Variants in SEC23IP observed in about 807,000 individuals in gnomAD.
SEC23IP encodes the protein SEC23-interacting protein.
Under a neutral mutation model 113.4 loss-of-function variants are expected in SEC23IP, and 70 were observed. That is an observed-to-expected ratio of 0.62 (90% CI 0.51 to 0.75). The LOEUF (loss-of-function observed/expected upper bound fraction) is 0.75. Ranked by LOEUF, SEC23IP falls within the 30% of genes least tolerant of loss-of-function variation. SEC23IP has a pLI of 0.00. For synonymous variants in SEC23IP, 398 were observed against 421.0 expected (o/e 0.95, Z 0.67); for missense variants, 1,160 against 1,204.9 (o/e 0.96, Z 0.55).
At chr10:119,906,963 G>C (rs1182263941) in intron 4 of SEC23IP, among the ~76,000 whole-genome samples, 3 of 151,278 alleles carry the variant, frequency 2.0e-5, no homozygotes, top group Non-Finnish European at 4.4e-5. Context: ...AATTATATTT[G>C]AAGTTTTTTT....
At chr10:119,924,256 GGCACTGTCGATA>G (rs1203715657) in intron 12 of SEC23IP, among the ~76,000 whole-genome samples, 1 of 152,130 alleles carries the variant, frequency 6.6e-6, no homozygotes, top group Non-Finnish European at 1.5e-5. Context: ...TGGTTGTTTA[GGCACTGTCGATA>G]GCTGTTTAAA....
intron 15 of SEC23IP, among the ~76,000 whole-genome samples, chr10:119,931,840 C>T (rs1045730170): frequency 6.6e-6 from 1 of 150,410 alleles, no homozygotes; most frequent in Non-Finnish European, 1.5e-5. Flanking sequence ...GTGTGAGACA[C>T]CGCGCCTGAA....
rs1288750980 is a variant in SEC23IP, at chr10:119,942,221, A to G, written c.*1656A>G. The G allele has an allele frequency of 6.6e-6, 1 of 152,188 alleles. No homozygotes were observed. Among genetic ancestry groups the G allele is most frequent in the Non-Finnish European group, 1.5e-5 (1 of 68,038 alleles). 9.4% of individuals were successfully genotyped at this position (152,188 alleles called of 1,614,324 possible). On this transcript the variant is annotated 3_prime_UTR_variant, in exon 19 of 19. Transcript: ENST00000369075. ...GAGAAGGACCAGGGTTCGTAGAAGA[A>G]GCATGTGGCAGCTGAGTGGCAGCAG...
intron 1 of SEC23IP, among the ~76,000 whole-genome samples, chr10:119,893,274 C>T (rs992220094): frequency 4.6e-5 from 7 of 152,076 alleles, no homozygotes; most frequent in African/African-American, 7.2e-5. Context: ...AAACAGTGGC[C>T]CTCTCCTAGG....
chr10:119,911,749 A>T (rs1854870153), intron 5 of SEC23IP, among the ~76,000 whole-genome samples: 1 of 152,166 alleles, frequency 6.6e-6, no homozygotes, highest in South Asian at 2.1e-4. Context: ...TGCTGGGATT[A>T]CAGGTGTGAG....
intron 18 of SEC23IP, among the ~76,000 whole-genome samples, chr10:119,940,142 G>A (rs1294774640): frequency 6.6e-6 from 1 of 151,918 alleles, no homozygotes; most frequent in Non-Finnish European, 1.5e-5. Context: ...GCTCTTTGGA[G>A]GCGGTTTGCA....
intron 7 of SEC23IP, among the ~76,000 whole-genome samples, 153 bp from the exon 8 acceptor site, chr10:119,915,594 TA>T (rs1855023596): frequency 6.6e-6 from 1 of 152,208 alleles, no homozygotes; most frequent in Admixed American, 6.5e-5. Context: ...CCTTTCTTTT[TA>T]AAAAATTTTA....
chr10:119,908,941 T>C (rs879293009), intron 4 of SEC23IP, 100 bp from the exon 5 acceptor site: 1 of 743,508 alleles, frequency 1.3e-6, no homozygotes, highest in Non-Finnish European at 2.3e-6. Context: ...GCTATTACTG[T>C]TATTTTTATC....
intron 1 of SEC23IP, among the ~76,000 whole-genome samples, chr10:119,896,604 G>A (rs1023478376): frequency 6.6e-6 from 1 of 152,204 alleles, no homozygotes; most frequent in Non-Finnish European, 1.5e-5. Context: ...ACAAGTGCCT[G>A]TTAAAGTTGT....
chr10:119,901,002 A>C (rs1854473513), intron 2 of SEC23IP, among the ~76,000 whole-genome samples: 1 of 139,706 alleles, frequency 7.2e-6, no homozygotes, highest in Non-Finnish European at 1.6e-5. Flanking sequence ...AAAACATTAA[A>C]ATTTTTTTCT....
intron 8 of SEC23IP, among the ~76,000 whole-genome samples, chr10:119,917,394 T>C (rs1246154588): frequency 6.6e-6 from 1 of 151,836 alleles, no homozygotes; most frequent in Non-Finnish European, 1.5e-5. Flanking sequence ...TTTTTTTTTT[T>C]TTGAGGTGGA....
At chr10:119,924,053 G>C (rs1409679708) in intron 12 of SEC23IP, among the ~76,000 whole-genome samples, 3 of 152,184 alleles carry the variant, frequency 2.0e-5, no homozygotes, top group Admixed American at 6.5e-5. Context: ...CCTTATTTCG[G>C]ATTTTAGGCT....
chr10:119,904,901 G>A (rs904049587), intron 4 of SEC23IP, among the ~76,000 whole-genome samples: 3 of 152,164 alleles, frequency 2.0e-5, no homozygotes, highest in Non-Finnish European at 4.4e-5. Flanking sequence ...GGGAGGCCTA[G>A]GTGAGCAGAT....
intron 6 of SEC23IP, among the ~76,000 whole-genome samples, chr10:119,913,173 G>T (rs1854924952): frequency 6.6e-6 from 1 of 152,134 alleles, no homozygotes; most frequent in African/African-American, 2.4e-5. Flanking sequence ...AGGACATACA[G>T]ATATCTTTAT....
chr10:119,917,932 C>T lies in SEC23IP; in HGVS notation c.1641C>T (p.Tyr547=). ...TTTTATTTTATAACAGCCCCACCTACTGTCAGACAATTGTGGAAAAAGTAG... is the reference window on the plus strand; with the variant it reads ...TTTTATTTTATAACAGCCCCACCTATTGTCAGACAATTGTGGAAAAAGTAG... ...LDILFYNSPT[Y]CQTIVEKVGM... The change falls in exon 9 of 19, where the codon TAC becomes TAT. Residue 547 remains tyrosine (Y), a synonymous_variant. Coordinates refer to ENST00000369075, the MANE Select transcript of SEC23IP (RefSeq NM_007190.4). 1 of 1,614,020 alleles carries T rather than the reference C, an allele frequency of 6.2e-7. No homozygotes were observed. Among genetic ancestry groups the T allele is most frequent in the African/African-American group, 1.3e-5 (1 of 75,038 alleles).
At chr10:119,908,642 AG>A (rs879798017) in intron 4 of SEC23IP, among the ~76,000 whole-genome samples, 1 of 152,234 alleles carries the variant, frequency 6.6e-6, no homozygotes, top group Non-Finnish European at 1.5e-5. Flanking sequence ...AGCTAGGAAG[AG>A]GGAAGGAGGA....
chr10:119,926,358 T>G (rs1855421583), intron 13 of SEC23IP, 131 bp downstream of exon 13: 2 of 958,860 alleles, frequency 2.1e-6, no homozygotes, highest in Non-Finnish European at 3.0e-6. Context: ...TGATTTTCTC[T>G]TAGTGAAAAT....
At chr10:119,924,261 T>C (rs1254756558) in intron 12 of SEC23IP, among the ~76,000 whole-genome samples, 2 of 152,220 alleles carry the variant, frequency 1.3e-5, no homozygotes, top group African/African-American at 4.8e-5. Flanking sequence ...GTTTAGGCAC[T>C]GTCGATAGCT....
chr10:119,895,504 A>ACC (rs1854248517), intron 1 of SEC23IP, among the ~76,000 whole-genome samples: 1 of 152,198 alleles, frequency 6.6e-6, no homozygotes, highest in African/African-American at 2.4e-5. Flanking sequence ...ATACACACAC[A>ACC]CCCACCTGTG....
Sources: allele counts gnomAD v4.1 joint callset (sites outside exome capture counted in the v4.1 genomes callset), GRCh38; gene constraint gnomAD v4.1.1; transcripts MANE v1.5; gene names NCBI Gene and HGNC (gene_info 2026-07-23, HGNC 2026-07-21).